USP34: variants seen among roughly 807,000 people sequenced by gnomAD.
USP34 encodes ubiquitin specific peptidase 34.
USP34 carries 70 observed loss-of-function variants against 460.3 expected under a neutral mutation model. The ratio of observed to expected loss-of-function variants is 0.15; its 90% confidence interval spans 0.13 to 0.19. The LOEUF (loss-of-function observed/expected upper bound fraction) is 0.19, where lower values mean the gene tolerates loss of function less well. USP34 is among the 10% of genes least tolerant of loss of function. The probability of loss-of-function intolerance (pLI) is 1.00; values close to 1 mark genes in which losing one functional copy is unlikely to be tolerated. For missense variants in USP34, 3,985 were observed against 4,236.2 expected (o/e 0.94, Z 1.65); for synonymous variants, 1,647 against 1,405.3 (o/e 1.17, Z -3.85).
intron 34 of USP34, among the ~76,000 whole-genome samples, chr2:61,285,731 C>A (rs1689670145): frequency 6.6e-6 from 1 of 151,996 alleles, no homozygotes; most frequent in Non-Finnish European, 1.5e-5. Context: ...GATTCCTCAA[C>A]CATCCTGAAA....
chr2:61,369,424 C>A (rs987220561), intron 10 of USP34, among the ~76,000 whole-genome samples: 23 of 152,012 alleles, frequency 1.5e-4, no homozygotes, highest in African/African-American at 5.3e-4. Context: ...GTGGGCGGAT[C>A]ATGAGGTCAG....
chr2:61,380,175 C>A lies in USP34; in HGVS notation c.1008G>T (p.Gln336His), dbSNP rs1434837246. The A allele has an allele frequency of 6.2e-7, 1 of 1,611,594 alleles. No homozygotes were observed. The highest frequency in any genetic ancestry group is 8.5e-7 in the Non-Finnish European group (1 of 1,178,624). ...TLTMRLAGLS[Q>H]ITNQLHTFND... ...TAAAACAAATACAGCTTACTGTTAT[C>A]TGACTCAATCCAGCCAACCTCATAG... is the stretch of plus-strand genomic sequence containing the variant. The change falls in exon 7 of 80, where the codon CAG becomes CAT. Residue 336 changes from glutamine (Q) to histidine (H), a missense_variant. By Grantham distance (24) the Gln-to-His change is conservative. Coordinates refer to ENST00000398571, the MANE Select transcript of USP34 (RefSeq NM_014709.4).
chr2:61,443,364 T>G (rs187609145), intron 1 of USP34, among the ~76,000 whole-genome samples: 1 of 152,234 alleles, frequency 6.6e-6, no homozygotes, highest in Non-Finnish European at 1.5e-5. Context: ...TCACTATATA[T>G]GTATCAACAC....
chr2:61,396,917 T>C (rs1693548589), intron 3 of USP34, among the ~76,000 whole-genome samples: 1 of 152,216 alleles, frequency 6.6e-6, no homozygotes, highest in Non-Finnish European at 1.5e-5. Flanking sequence ...CTGTATACTT[T>C]AATCAAGTGA....
At chr2:61,464,251 G>A (rs1330892412) in intron 1 of USP34, among the ~76,000 whole-genome samples, 1 of 152,162 alleles carries the variant, frequency 6.6e-6, no homozygotes, top group African/African-American at 2.4e-5. Flanking sequence ...GCAAGGAGGT[G>A]GAAGTTGCAG....
intron 41 of USP34, among the ~76,000 whole-genome samples, chr2:61,276,714 T>A (rs1320487329): frequency 2.6e-5 from 4 of 152,198 alleles, no homozygotes; most frequent in Non-Finnish European, 5.9e-5. Context: ...TCAACAAGGC[T>A]GTAAATCTAT....
intron 1 of USP34, among the ~76,000 whole-genome samples, chr2:61,470,034 C>G (rs559889905): frequency 1.3e-5 from 2 of 152,280 alleles, no homozygotes; most frequent in Middle Eastern, 3.4e-3. Flanking sequence ...GAATGCTACA[C>G]TAAGAAACAT....
chr2:61,306,585 A>T (rs1572918846), intron 27 of USP34, among the ~76,000 whole-genome samples: 1 of 152,314 alleles, frequency 6.6e-6, no homozygotes, highest in East Asian at 1.9e-4. Flanking sequence ...ACTTTAAAGT[A>T]GTCCAATTCT....
rs1423751602 is a variant in USP34, at chr2:61,211,889, G to A, written c.8723C>T (p.Ala2908Val). The stretch of plus-strand genomic sequence containing the variant: ...TTCTTCTCTCATATCTGGCCTCTGA[G>A]CTATAAACAGCTGCATCAGGTTAAA... ...ELFNLMQLFI[A>V]QRPDMREEEL... is the part of the protein sequence containing the mutation. The change falls in exon 69 of 80, where the codon GCT becomes GTT. Residue 2908 changes from alanine to valine, a missense_variant. Physicochemically the swap from Ala to Val is moderately conservative, Grantham distance 64. Around this residue, in one of 14 missense-constraint regions of USP34, gnomAD observed 275 missense variants for 292.7 expected, o/e 0.94. Coordinates refer to ENST00000398571, the MANE Select transcript of USP34 (RefSeq NM_014709.4). 14 of 1,608,300 alleles carry A rather than the reference G, an allele frequency of 8.7e-6. No homozygotes were observed. The highest frequency in any genetic ancestry group is 1.2e-5 in the Non-Finnish European group (14 of 1,178,426).
intron 41 of USP34, among the ~76,000 whole-genome samples, chr2:61,270,996 G>T (rs1201141984): frequency 6.6e-6 from 1 of 151,878 alleles, no homozygotes; most frequent in Admixed American, 6.6e-5. Context: ...TAAAAAAGCT[G>T]TATCTGGCCA....
At position 61,266,099 on chromosome 2, in the gene USP34, C is replaced by T. The variant is rs771598551; in HGVS notation, c.5502G>A (p.Lys1834=). 6.2e-7 allele frequency: 1 copy of T among 1,614,032 alleles called. No individual in the cohort carries two copies. The change falls in exon 42 of 80, where the codon AAG becomes AAA. Residue 1834 remains lysine, a synonymous_variant. Transcript: ENST00000398571. ...LPSLKDRQQP[K]CKSHSSRAAA... is the part of the protein sequence containing the mutation. ...CAGCTCTTGAAGAATGTGATTTGCA[C>T]TTTGGCTGTTGTCGGTCCTTTAGAC...
chr2:61,334,007 T>C, intron 18 of USP34, 36 bp from the exon 19 acceptor site: 1 of 1,424,870 alleles, frequency 7.0e-7, no homozygotes, highest in South Asian at 1.3e-5. Flanking sequence ...ATAATTTTAG[T>C]AATTCTTTTT....
At chr2:61,300,072 G>A (rs1406522311) in intron 29 of USP34, among the ~76,000 whole-genome samples, 2 of 151,960 alleles carry the variant, frequency 1.3e-5, no homozygotes, top group Admixed American at 6.6e-5. Context: ...CCTATTTCAG[G>A]GCAACTTGTT....
chr2:61,309,565 T>G (rs550671140), intron 27 of USP34, among the ~76,000 whole-genome samples: 1 of 152,312 alleles, frequency 6.6e-6, no homozygotes, highest in East Asian at 1.9e-4. Flanking sequence ...ACGACGAATC[T>G]GGCCCAGATT....
At chr2:61,349,086 G>C (rs1171048218) in intron 13 of USP34, among the ~76,000 whole-genome samples, 164 bp downstream of exon 13, 1 of 152,108 alleles carries the variant, frequency 6.6e-6, no homozygotes, top group Non-Finnish European at 1.5e-5. Context: ...AGATGTTTAA[G>C]ATTTTAAGAA....
intron 41 of USP34, among the ~76,000 whole-genome samples, chr2:61,269,542 A>C (rs1360736825): frequency 1.3e-5 from 2 of 152,118 alleles, no homozygotes; most frequent in African/African-American, 4.8e-5. Flanking sequence ...TTTGAAAACA[A>C]TAATTCAATA....
chr2:61,350,677 C>T lies in USP34; in HGVS notation c.1268G>A (p.Arg423Gln). The T allele has an allele frequency of 6.2e-7, 1 of 1,609,552 alleles. No homozygotes were observed. Among genetic ancestry groups the T allele is most frequent in the Non-Finnish European group, 8.5e-7 (1 of 1,178,780 alleles). Residue 423 changes from arginine to glutamine, a missense_variant, in exon 11 of 80, where the codon CGG becomes CAG. Transcript: ENST00000398571. ...TGAAGGAAATAAGTCATGTATATAC[C>T]GACTACAATGTTTCAACTAGAAAAT... The part of the protein sequence containing the change: ...WAAAQLKHCS[R>Q]YIHDLFPSLI...
At chr2:61,243,558 A>ATT (rs377487628) in intron 51 of USP34, among the ~76,000 whole-genome samples, 1 of 144,574 alleles carries the variant, frequency 6.9e-6, no homozygotes. Flanking sequence ...TTCTTCCTTC[A>ATT]TTTTTTTTTT....
chr2:61,420,047 C>G (rs1240236745), intron 2 of USP34, among the ~76,000 whole-genome samples: 1 of 152,182 alleles, frequency 6.6e-6, no homozygotes, highest in Non-Finnish European at 1.5e-5. Context: ...ACTCTATGTT[C>G]AGCTAGACTG....
Sources: gnomAD v4.1 joint callset for allele counts (sites outside exome capture counted in the v4.1 genomes callset) on GRCh38, gnomAD v4.1.1 for gene constraint, gnomAD v4.1.1 regional missense constraint, MANE v1.5 for transcripts, NCBI Gene and HGNC (gene_info 2026-07-23, HGNC 2026-07-21) for gene names.